BACE1: variants seen among roughly 807,000 people sequenced by gnomAD.
The protein encoded by BACE1 is beta-secretase 1, also known as APP beta-secretase.
A neutral mutation model predicts 54.0 loss-of-function variants in BACE1; 21 were observed. The observed-to-expected ratio is 0.39, with a 90% confidence interval of 0.28 to 0.56. The LOEUF (loss-of-function observed/expected upper bound fraction) is 0.56. Among genes scored for constraint, BACE1 ranks in the 20% least tolerant of loss-of-function variants. BACE1 has a pLI of 0.63. For missense variants in BACE1, 511 were observed against 661.2 expected, an observed-to-expected ratio of 0.77 and a Z score of 2.49; for synonymous variants, 232 against 260.9, an observed-to-expected ratio of 0.89 and a Z score of 1.07.
In BACE1 at chr11:117,289,806, C is replaced by T. The variant is rs772639247; in HGVS notation, c.1266G>A (p.Val422=). 6 of 1,612,248 alleles carry T rather than the reference C, an allele frequency of 3.7e-6. No homozygotes were observed. The highest frequency in any genetic ancestry group is 5.1e-6 in the Non-Finnish European group (6 of 1,178,468). ...RIGFAVSACH[V]HDEFRTAAVE... is the part of the protein sequence containing the mutation. ...CCGCTGCCGTCCTGAACTCATCGTG[C>T]ACTGGGGAGAGGGCAAATGTGAATG... Residue 422 remains valine, a splice_region_variant and synonymous_variant, in exon 9 of 9, where the codon GTG becomes GTA. Coordinates refer to ENST00000313005, the MANE Select transcript of BACE1 (RefSeq NM_012104.6).
In BACE1 at chr11:117,296,995, G is replaced by T; in HGVS notation, c.262-34C>A. 2.6e-6 allele frequency: 4 copies of T among 1,536,432 alleles called. No homozygotes were observed. The South Asian group carries it at 3.4e-5, about 13-fold the overall frequency. ...GAAAGGGGAGAGAAAAGACAGTATA[G>T]ACAGGAGGCTTCGGTCACACCACCT... On this transcript the variant is annotated intron_variant, in intron 1 of 8. Coordinates refer to ENST00000313005, the MANE Select transcript of BACE1 (RefSeq NM_012104.6).
At position 117,299,674 on chromosome 11, in the gene BACE1, C is replaced by G. The variant is rs116362926; in HGVS notation, c.262-2713G>C. 442 of 408,056 alleles carry G rather than the reference C, an allele frequency of 1.1e-3. 6 individuals carry two copies. Among genetic ancestry groups the G allele is most frequent in the African/African-American group, 7.8e-3 (368 of 47,008 alleles). The allele number at this position is 408,056 out of a possible 1,614,324, so 25.3% of individuals were successfully genotyped here. A position where few individuals can be genotyped will look rare whatever the true frequency, so the allele number is the denominator to read the frequency against. On this transcript the variant is annotated intron_variant, in intron 1 of 8. Transcript: ENST00000313005. ...TCTACCCGTGGTCTCTCTCCCCGGT[C>G]TCTGGGCAGCCACCAGCTCCAGATG...
intron 1 of BACE1, among the ~76,000 whole-genome samples, chr11:117,298,537 T>C (rs1368479403): frequency 6.6e-6 from 1 of 152,208 alleles, no homozygotes; most frequent in Non-Finnish European, 1.5e-5. Context: ...AGAGAAGACC[T>C]ATTCTAGGAG....
intron 3 of BACE1, among the ~76,000 whole-genome samples, chr11:117,294,878 T>C (rs541204381): frequency 1.3e-5 from 2 of 150,286 alleles, no homozygotes; most frequent in Non-Finnish European, 3.0e-5. Flanking sequence ...AGAGTGAAAC[T>C]CCGTCTCAAA....
chr11:117,296,011 A>G (rs1391091770), intron 2 of BACE1, among the ~76,000 whole-genome samples: 1 of 152,052 alleles, frequency 6.6e-6, no homozygotes, highest in Non-Finnish European at 1.5e-5. Context: ...TCCTACCTGC[A>G]CCCTCCTCCC....
chr11:117,299,217 G>T (rs1351308720), intron 1 of BACE1, among the ~76,000 whole-genome samples: 1 of 152,096 alleles, frequency 6.6e-6, no homozygotes, highest in Non-Finnish European at 1.5e-5. Context: ...AAAAGGAAAG[G>T]CCCCACCCTC....
rs1327254100 is a variant in BACE1, at chr11:117,286,418, C to G, written c.*3148G>C. The G allele has an allele frequency of 1.3e-5, 2 of 152,284 alleles. No individual in the cohort carries two copies. The highest frequency in any genetic ancestry group is 3.4e-3 in the Middle Eastern group (1 of 294). 9.4% of individuals were successfully genotyped at this position (152,284 alleles called of 1,614,324 possible). On this transcript the variant is annotated 3_prime_UTR_variant, in exon 9 of 9. Transcript: ENST00000313005. Reference sequence around the variant, plus strand: ...TTACTCCTACAGGGAATGGCCTCAGCTCCCTTCTCTTTTAGAATTAAACAA... The same window carrying G: ...TTACTCCTACAGGGAATGGCCTCAGGTCCCTTCTCTTTTAGAATTAAACAA...
rs1269671049 is a variant in BACE1 at position 117,288,969 on chromosome 11, TC to T, written c.*596del. 1.3e-5 allele frequency: 2 copies of T among 153,614 alleles called. No individual in the cohort carries two copies. The highest frequency in any genetic ancestry group is 4.8e-5 in the African/African-American group (2 of 41,430). 9.5% of individuals were successfully genotyped at this position (153,614 alleles called of 1,614,324 possible). A position where few individuals can be genotyped will look rare whatever the true frequency, so the allele number is the denominator to read the frequency against. ...CTATTCCCTGTCTTTGTACTCCCTC[TC>T]CTTCTCCTCTTTCCAGCCGCCCCCA... On this transcript the variant is annotated 3_prime_UTR_variant, in exon 9 of 9. Transcript: ENST00000313005.
At chr11:117,309,198 A>G (rs180878658) in intron 1 of BACE1, among the ~76,000 whole-genome samples, 3 of 152,232 alleles carry the variant, frequency 2.0e-5, no homozygotes, top group Non-Finnish European at 4.4e-5. Context: ...CCTTGTTTGC[A>G]TGTCTAGAGT....
At chr11:117,305,358 G>A (rs928076213) in intron 1 of BACE1, among the ~76,000 whole-genome samples, 7 of 152,166 alleles carry the variant, frequency 4.6e-5, no homozygotes, top group Non-Finnish European at 1.0e-4. Flanking sequence ...CTGTCTCAGA[G>A]TCCAGCGACT....
At chr11:117,306,774 G>C (rs569138933) in intron 1 of BACE1, among the ~76,000 whole-genome samples, 2 of 151,968 alleles carry the variant, frequency 1.3e-5, no homozygotes, top group Admixed American at 1.3e-4. Flanking sequence ...TCGCGCCACC[G>C]CACTCCAGCC....
chr11:117,315,008 C>G lies in BACE1; in HGVS notation c.261+527G>C, dbSNP rs1428240828. 6.6e-6 allele frequency among the ~76,000 whole-genome samples: 1 copy of G among 152,108 alleles called. No individual in the cohort carries two copies. The highest frequency in any genetic ancestry group is 1.5e-5 in the Non-Finnish European group (1 of 68,000). ...CCGGGCGGAGTGCAGTCAGGGGGGCCTCGACAACCTCACTTTGCCGTACCA... is the reference window on the plus strand; with the variant it reads ...CCGGGCGGAGTGCAGTCAGGGGGGCGTCGACAACCTCACTTTGCCGTACCA... On this transcript the variant is annotated intron_variant, in intron 1 of 8. Transcript: ENST00000313005. The surrounding 1 kb of genome is among the most constrained non-coding windows in gnomAD (Gnocchi z 5.5).
Position 117,289,723 on chromosome 11 carries a change from G to A in BACE1, c.1349C>T (p.Thr450Ile). 3.1e-6 allele frequency: 5 copies of A among 1,614,238 alleles called. 1 individual carries two copies. The highest frequency in any genetic ancestry group is 4.2e-6 in the Non-Finnish European group (5 of 1,180,042). The part of the protein sequence containing the change: ...MEDCGYNIPQ[T>I]DESTLMTIAY... ...TATGGTCATGAGGGTTGACTCATCTGTCTGTGGAATGTTGTAGCCACAGTC... is the reference window on the plus strand; with the variant it reads ...TATGGTCATGAGGGTTGACTCATCTATCTGTGGAATGTTGTAGCCACAGTC... Residue 450 changes from threonine to isoleucine, a missense_variant, in exon 9 of 9, where the codon ACA (threonine) becomes ATA (isoleucine). By Grantham distance (89) the Thr-to-Ile change is moderately conservative. Transcript: ENST00000313005.
chr11:117,293,341 A>G lies in BACE1; in HGVS notation c.706-153T>C, dbSNP rs1018485185. 3 of 693,734 alleles carry G rather than the reference A, an allele frequency of 4.3e-6. No homozygotes were observed. The highest frequency in any genetic ancestry group is 3.7e-5 in the African/African-American group (2 of 54,406). The allele number at this position is 693,734 out of a possible 1,614,324, so 43.0% of individuals were successfully genotyped here. On this transcript the variant is annotated intron_variant, in intron 4 of 8. Coordinates refer to ENST00000313005, the MANE Select transcript of BACE1 (RefSeq NM_012104.6). This position sits in a 1 kb window ranked among gnomAD's most constrained non-coding sequence, Gnocchi z 4.1. ...TCCTGCTTCTAAACAAATCATACCC[A>G]AAGTGATTTCTAGTTTCTTAAATGT... is the stretch of plus-strand genomic sequence containing the variant.
intron 2 of BACE1, chr11:117,295,645 C>G (rs1009784161): frequency 6.5e-7 from 1 of 1,526,720 alleles, no homozygotes; most frequent in Non-Finnish European, 8.8e-7. Context: ...GTGCCTGCTG[C>G]TGCTGCTGCT....
chr11:117,290,757 G>A lies in BACE1; in HGVS notation c.1093-98C>T. Reference sequence around the variant, plus strand: ...ATGCCCTTCCCTTTACCATCCCTGAGCTCTAACGGGTTTTCTGAGACCCCT... The same window carrying A: ...ATGCCCTTCCCTTTACCATCCCTGAACTCTAACGGGTTTTCTGAGACCCCT... On this transcript the variant is annotated intron_variant, in intron 7 of 8. Coordinates refer to ENST00000313005, the MANE Select transcript of BACE1 (RefSeq NM_012104.6). The A allele has an allele frequency of 3.9e-6, 6 of 1,556,332 alleles. No individual in the cohort carries two copies. The South Asian group carries it at 7.3e-5, about 19-fold the overall frequency.
At chr11:117,303,414 C>T (rs1006908001) in intron 1 of BACE1, among the ~76,000 whole-genome samples, 1 of 152,228 alleles carries the variant, frequency 6.6e-6, no homozygotes, top group Non-Finnish European at 1.5e-5. Context: ...GGCACACCTG[C>T]CCAGGTTTCA....
At chr11:117,303,589 C>T (rs28989482) in intron 1 of BACE1, among the ~76,000 whole-genome samples, 1 of 152,188 alleles carries the variant, frequency 6.6e-6, no homozygotes, top group African/African-American at 2.4e-5. Flanking sequence ...ATGAAAAACG[C>T]CTTCAAGGGG....
chr11:117,294,887 A>G (rs2034556833), intron 3 of BACE1, among the ~76,000 whole-genome samples: 2 of 149,972 alleles, frequency 1.3e-5, no homozygotes, highest in Admixed American at 6.6e-5. Flanking sequence ...CTCCGTCTCA[A>G]AAAAAAAAAG....
Sources: allele counts gnomAD v4.1 joint callset (sites outside exome capture counted in the v4.1 genomes callset), GRCh38; gene constraint gnomAD v4.1.1; non-coding constraint Gnocchi (gnomAD v3.1); transcripts MANE v1.5; gene names NCBI Gene and HGNC (gene_info 2026-07-23, HGNC 2026-07-21).